Variants in NR5A2 observed in about 807,000 individuals in gnomAD.
NR5A2 encodes the protein nuclear receptor subfamily 5 group A member 2, also known as CYP7A promoter-binding factor.
Under a neutral mutation model 62.7 loss-of-function variants are expected in NR5A2, and 26 were observed. The observed-to-expected ratio is 0.41, with a 90% CI of 0.30 to 0.58. The LOEUF (loss-of-function observed/expected upper bound fraction) is 0.58. NR5A2 is among the 20% of genes least tolerant of loss of function. The pLI, the probability that NR5A2 is intolerant of heterozygous loss-of-function variation, is 0.22. For synonymous variants in NR5A2, 246 were observed against 241.7 expected, an observed-to-expected ratio of 1.02 and a Z score of -0.16; for missense variants, 541 against 669.1, an observed-to-expected ratio of 0.81 and a Z score of 2.11.
At chr1:200,029,052 C>T (rs780441383) in intron 1 of NR5A2, 7 of 446,456 alleles carry the variant, frequency 1.6e-5, no homozygotes, top group South Asian at 7.8e-5. Context: ...AAAATACAGG[C>T]ACAAGAAAGA....
At chr1:200,111,467 A>G (rs1665954800) in intron 6 of NR5A2, 146 bp downstream of exon 6, 1 of 819,910 alleles carries the variant, frequency 1.2e-6, no homozygotes, top group Non-Finnish European at 1.8e-6. Context: ...GACTTGGTGC[A>G]CTCTGTTCCT....
intron 5 of NR5A2, among the ~76,000 whole-genome samples, chr1:200,086,636 C>T (rs989237008): frequency 6.6e-6 from 1 of 152,160 alleles, no homozygotes; most frequent in African/African-American, 2.4e-5. Context: ...ATAAAAGACT[C>T]AGCTAATAGA....
chr1:200,072,760 G>A (rs1313375684), intron 5 of NR5A2, among the ~76,000 whole-genome samples: 1 of 152,096 alleles, frequency 6.6e-6, no homozygotes, highest in Non-Finnish European at 1.5e-5. Context: ...ACTATAAATA[G>A]CACCTCCATC....
intron 7 of NR5A2, among the ~76,000 whole-genome samples, chr1:200,126,463 A>C (rs1666704408): frequency 6.6e-6 from 1 of 152,174 alleles, no homozygotes; most frequent in Non-Finnish European, 1.5e-5. Flanking sequence ...GCTTTTAATA[A>C]ATATTGCTTT....
chr1:200,115,508 A>G (rs556563465), intron 6 of NR5A2, among the ~76,000 whole-genome samples: 19 of 152,286 alleles, frequency 1.2e-4, no homozygotes, highest in African/African-American at 4.3e-4. Context: ...CTTGGTACTC[A>G]CTTGTAGGAG....
At position 200,127,698 on chromosome 1, in the gene NR5A2, AAAAAAAAAAAAATAT is replaced by A. The variant is rs1291485640; in HGVS notation, c.1378+6745_1378+6759del. ...TCTCAAAAAAAAAAAAAAAAAAAAA[AAAAAAAAAAAAATAT>A]ATATATATATATATATATGGTATCC... On this transcript the variant is annotated intron_variant, in intron 7 of 7. Coordinates refer to ENST00000367362, the MANE Select transcript of NR5A2 (RefSeq NM_205860.3). 3.2e-4 allele frequency among the ~76,000 whole-genome samples: 28 copies of A among 88,522 alleles called. No individual in the cohort carries two copies. In the South Asian group the frequency reaches 4.9e-3, roughly 15 times the overall value. 58.1% of individuals were successfully genotyped at this position (88,522 alleles called of 152,430 possible).
intron 1 of NR5A2, among the ~76,000 whole-genome samples, chr1:200,031,380 G>T (rs1661541240): frequency 6.6e-6 from 1 of 152,002 alleles, no homozygotes; most frequent in Admixed American, 6.6e-5. Flanking sequence ...GTGTGGGTGT[G>T]GTGGCATGTG....
chr1:200,038,574 G>A (rs1241524802), intron 1 of NR5A2: 85 of 546,792 alleles, frequency 1.6e-4, no homozygotes, highest in South Asian at 1.2e-3. Flanking sequence ...ATGTAAGAAC[G>A]GTCAGCTAAA....
rs1473413280 is a variant in NR5A2 at position 200,095,119 on chromosome 1, T to A, written c.1111-16083T>A. On this transcript the variant is annotated intron_variant, in intron 5 of 7. Coordinates refer to ENST00000367362, the MANE Select transcript of NR5A2 (RefSeq NM_205860.3). The stretch of plus-strand genomic sequence containing the variant: ...AATCAGGCTCCATCTGACCTCCTTT[T>A]TAATAAAAAGAAAAAAAAAAAAAAG... 4.3e-4 allele frequency among the ~76,000 whole-genome samples: 29 copies of A among 66,702 alleles called. 1 individual carries two copies. The highest frequency in any genetic ancestry group is 1.5e-3 in the African/African-American group (29 of 19,462). The allele number at this position is 66,702 out of a possible 152,430, so 43.8% of individuals were successfully genotyped here.
intron 5 of NR5A2, among the ~76,000 whole-genome samples, chr1:200,055,447 C>T (rs565530859): frequency 2.6e-5 from 4 of 152,202 alleles, no homozygotes; most frequent in South Asian, 2.1e-4. Context: ...CCACTAGCCT[C>T]GGCATCCCAA....
chr1:200,047,846 G>A (rs560285061), intron 4 of NR5A2, among the ~76,000 whole-genome samples: 1 of 152,226 alleles, frequency 6.6e-6, no homozygotes, highest in African/African-American at 2.4e-5. Flanking sequence ...CCAAAGTGCA[G>A]GGATTACAGG....
At chr1:200,128,127 T>C (rs1666810329) in intron 7 of NR5A2, among the ~76,000 whole-genome samples, 1 of 152,102 alleles carries the variant, frequency 6.6e-6, no homozygotes, top group African/African-American at 2.4e-5. Flanking sequence ...CCAGCACCCC[T>C]GTTTATACCA....
intron 2 of NR5A2, among the ~76,000 whole-genome samples, chr1:200,041,742 C>T (rs184039506): frequency 1.3e-4 from 20 of 152,338 alleles, no homozygotes; most frequent in African/African-American, 4.8e-4. Flanking sequence ...GAAAGGTGCC[C>T]AGGCCTCACA....
chr1:200,086,974 G>T (rs1020114056), intron 5 of NR5A2, among the ~76,000 whole-genome samples: 1 of 152,172 alleles, frequency 6.6e-6, no homozygotes, highest in Non-Finnish European at 1.5e-5. Flanking sequence ...GGGAGGTGGA[G>T]GTTGCCATGA....
At chr1:200,074,534 G>A (rs543574457) in intron 5 of NR5A2, among the ~76,000 whole-genome samples, 10 of 151,716 alleles carry the variant, frequency 6.6e-5, no homozygotes, top group Admixed American at 5.2e-4. Flanking sequence ...TCAGGAGATC[G>A]AGACCATCCT....
chr1:200,167,153 C>T (rs1456786532), intron 7 of NR5A2, among the ~76,000 whole-genome samples: 2 of 152,156 alleles, frequency 1.3e-5, no homozygotes, highest in South Asian at 4.1e-4. Flanking sequence ...CCAGCCCAAG[C>T]CTTTCTCTTG....
Position 200,165,929 on chromosome 1 carries a change from C to T in NR5A2, c.1379-8034C>T, listed in dbSNP as rs113025257. On this transcript the variant is annotated intron_variant, in intron 7 of 7. Transcript: ENST00000367362. ...ACCAATATCCAAAATTCTTATCTGACAAACTGAAACTCTATACCCATCAAA... is the reference window on the plus strand; with the variant it reads ...ACCAATATCCAAAATTCTTATCTGATAAACTGAAACTCTATACCCATCAAA... Among the ~76,000 whole-genome samples, 964 of 152,300 alleles carry T rather than the reference C, an allele frequency of 6.3e-3. 10 individuals carry two copies. Among genetic ancestry groups the T allele is most frequent in the African/African-American group, 0.022 (904 of 41,558 alleles).
chr1:200,073,244 ATATATATATATATATATTCCCCTT>A (rs1558121699), intron 5 of NR5A2, among the ~76,000 whole-genome samples: 20 of 125,202 alleles, frequency 1.6e-4, no homozygotes, highest in African/African-American at 3.9e-4. Context: ...ACATATATAT[ATATATATATATATATATTCCCCTT>A]TATATATATA....
At chr1:200,099,690 T>C (rs1478823157) in intron 5 of NR5A2, among the ~76,000 whole-genome samples, 2 of 152,080 alleles carry the variant, frequency 1.3e-5, no homozygotes, top group Non-Finnish European at 2.9e-5. Context: ...GCCTCCCAGG[T>C]TCAAGTGATT....
Sources: gnomAD v4.1 joint callset for allele counts (sites outside exome capture counted in the v4.1 genomes callset) on GRCh38, gnomAD v4.1.1 for gene constraint, MANE v1.5 for transcripts, NCBI Gene and HGNC (gene_info 2026-07-23, HGNC 2026-07-21) for gene names.